Variants in ZDHHC19 observed in about 807,000 individuals in gnomAD.
ZDHHC19 encodes zDHHC palmitoyltransferase 19.
Under a neutral mutation model 33.9 loss-of-function variants are expected in ZDHHC19, and 30 were observed. The observed-to-expected ratio is 0.88, with a 90% CI of 0.66 to 1.20. ZDHHC19 has a LOEUF of 1.20. Among genes scored for constraint, ZDHHC19 ranks in the 50% most tolerant of loss-of-function variants. ZDHHC19 has a pLI of 0.00. For synonymous variants in ZDHHC19, 178 were observed against 167.6 expected (o/e 1.06, Z -0.48); for missense variants, 364 against 401.1 (o/e 0.91, Z 0.79).
chr3:196,205,807 A>T (rs1011069666), intron 5 of ZDHHC19, among the ~76,000 whole-genome samples: 8 of 152,194 alleles, frequency 5.3e-5, no homozygotes, highest in Non-Finnish European at 1.0e-4. Flanking sequence ...TTACAGGCAC[A>T]TGCCACCATG....
Position 196,211,369 on chromosome 3 carries a change from C to T in ZDHHC19, c.-54G>A, listed in dbSNP as rs1677902773. On this transcript the variant is annotated 5_prime_UTR_variant, in exon 1 of 8. An upstream open reading frame in the 5' UTR gains an earlier in-frame stop. Transcript: ENST00000296326. ...GTCAGAGCCACCAGGCTTCCTCCCCCAGCCCAGCTTCCAGAGCTCCATGGC... is the reference window on the plus strand; with the variant it reads ...GTCAGAGCCACCAGGCTTCCTCCCCTAGCCCAGCTTCCAGAGCTCCATGGC... The T allele has an allele frequency of 1.3e-6, 2 of 1,544,510 alleles. No homozygotes were observed. Among genetic ancestry groups the T allele is most frequent in the East Asian group, 2.3e-5 (1 of 44,416 alleles).
chr3:196,198,349 TG>T lies in ZDHHC19; in HGVS notation c.875del (p.Pro292GlnfsTer61). The part of the protein sequence containing the change: ...PPMSPSALNP[P>X]APTSGSLQSR... ...TTTGTAGGGACCCAGAGGTTGGGGC[TG>T]GGGGGTTGAGAGCAGAGGGGGACAT... On this transcript the variant is annotated frameshift_variant, in exon 7 of 8. Transcript: ENST00000296326. LOFTEE classifies it high-confidence loss of function. The T allele has an allele frequency of 5.9e-6, 9 of 1,519,814 alleles. No homozygotes were observed. The highest frequency in any genetic ancestry group is 7.9e-6 in the Non-Finnish European group (9 of 1,134,208). 94.1% of individuals were successfully genotyped at this position (1,519,814 alleles called of 1,614,324 possible). A position where few individuals can be genotyped will look rare whatever the true frequency, so the allele number is the denominator to read the frequency against.
rs542413957 is a variant in ZDHHC19, at chr3:196,201,288, G to A, written c.688-2414C>T. Reference sequence around the variant, plus strand: ...GGGTTTCACTGTGTTGGCCAGTCTCGAACTCCTGACCTCATGATCCGCCCA... The same window carrying A: ...GGGTTTCACTGTGTTGGCCAGTCTCAAACTCCTGACCTCATGATCCGCCCA... On this transcript the variant is annotated intron_variant, in intron 5 of 7. Coordinates refer to ENST00000296326, the MANE Select transcript of ZDHHC19 (RefSeq NM_001039617.2). Among the ~76,000 whole-genome samples, 151 of 151,416 alleles carry A rather than the reference G, an allele frequency of 1.0e-3. 2 individuals carry two copies. The highest frequency in any genetic ancestry group is 3.5e-3 in the African/African-American group (142 of 41,040).
At chr3:196,210,758 G>C (rs115997786) in intron 1 of ZDHHC19, 21 bp from the exon 2 acceptor site, 1 of 1,609,254 alleles carries the variant, frequency 6.2e-7, no homozygotes, top group Non-Finnish European at 8.5e-7. Context: ...AGGCAGGCTC[G>C]GTCCTGAGCA....
rs1048544766 is a variant in ZDHHC19, at chr3:196,203,750, C to A, written c.687+3648G>T. 6.6e-6 allele frequency among the ~76,000 whole-genome samples: 1 copy of A among 152,196 alleles called. No homozygotes were observed. The highest frequency in any genetic ancestry group is 1.5e-5 in the Non-Finnish European group (1 of 68,042). ...CTGCCCAGAAAAGGCTGAAACGATG[C>A]ACTGAGGCTGGGGAGGGTCCACATG... On this transcript the variant is annotated intron_variant, in intron 5 of 7. Coordinates refer to ENST00000296326, the MANE Select transcript of ZDHHC19 (RefSeq NM_001039617.2). The surrounding 1 kb of genome is among the most constrained non-coding windows in gnomAD (Gnocchi z 4.3).
At position 196,198,256 on chromosome 3, in the gene ZDHHC19, C is replaced by A. The variant is rs112752599; in HGVS notation, c.*19+20G>T. 5.4e-6 allele frequency: 8 copies of A among 1,483,458 alleles called. No homozygotes were observed. Among genetic ancestry groups the A allele is most frequent in the Non-Finnish European group, 2.7e-6 (3 of 1,118,158 alleles). 91.9% of individuals were successfully genotyped at this position (1,483,458 alleles called of 1,614,324 possible). A position where few individuals can be genotyped will look rare whatever the true frequency, so the allele number is the denominator to read the frequency against. On this transcript the variant is annotated intron_variant, in intron 7 of 7. Coordinates refer to ENST00000296326, the MANE Select transcript of ZDHHC19 (RefSeq NM_001039617.2). ...CCCTCCCGACACGCACAGACACCCACGCACACACACGCTTCTTACCTCCTG... is the reference window on the plus strand; with the variant it reads ...CCCTCCCGACACGCACAGACACCCAAGCACACACACGCTTCTTACCTCCTG...
At position 196,203,760 on chromosome 3, in the gene ZDHHC19, G is replaced by A. The variant is rs1359605537; in HGVS notation, c.687+3638C>T. On this transcript the variant is annotated intron_variant, in intron 5 of 7. Coordinates refer to ENST00000296326, the MANE Select transcript of ZDHHC19 (RefSeq NM_001039617.2). The surrounding 1 kb of genome is among the most constrained non-coding windows in gnomAD (Gnocchi z 4.3). ...AAGGCTGAAACGATGCACTGAGGCT[G>A]GGGAGGGTCCACATGCAGACCAGAG... Among the ~76,000 whole-genome samples, 1 of 152,194 alleles carries A rather than the reference G, an allele frequency of 6.6e-6. No individual in the cohort carries two copies. Among genetic ancestry groups the A allele is most frequent in the Non-Finnish European group, 1.5e-5 (1 of 68,036 alleles).
intron 5 of ZDHHC19, among the ~76,000 whole-genome samples, chr3:196,201,158 C>T (rs538368052): frequency 5.3e-5 from 8 of 151,638 alleles, no homozygotes; most frequent in South Asian, 2.1e-4. Flanking sequence ...CTGCAACCTC[C>T]GCCTCCCGGG....
At chr3:196,207,530 G>T in intron 4 of ZDHHC19, 27 bp from the exon 5 acceptor site, 2 of 1,521,270 alleles carry the variant, frequency 1.3e-6, no homozygotes, top group Middle Eastern at 1.9e-4. Flanking sequence ...ACCGGGCTGC[G>T]GGACCCCCAC....
Position 196,198,370 on chromosome 3 carries a change from G to C in ZDHHC19, c.855C>G (p.Ser285=), listed in dbSNP as rs1721969236. The C allele has an allele frequency of 6.5e-7, 1 of 1,531,256 alleles. No individual in the cohort carries two copies. Among genetic ancestry groups the C allele is most frequent in the Non-Finnish European group, 8.8e-7 (1 of 1,138,994 alleles). The allele number at this position is 1,531,256 out of a possible 1,614,324, so 94.9% of individuals were successfully genotyped here. A position where few individuals can be genotyped will look rare whatever the true frequency, so the allele number is the denominator to read the frequency against. ...GGGCTGGGGGGTTGAGAGCAGAGGG[G>C]GACATTGGAGGGTGCAGATTCGGCA... The part of the protein sequence containing the change: ...TSMPNLHPPM[S]PSALNPPAPT... Residue 285 remains serine, a synonymous_variant, in exon 7 of 8, where the codon TCC becomes TCG. Transcript: ENST00000296326.
At chr3:196,208,272 A>C in intron 4 of ZDHHC19, 116 bp downstream of exon 4, 1 of 525,908 alleles carries the variant, frequency 1.9e-6, no homozygotes, top group Non-Finnish European at 2.6e-6. Flanking sequence ...ACCTCGTCCC[A>C]GACTGGTCCT....
intron 3 of ZDHHC19, chr3:196,209,148 G>T: frequency 1.7e-6 from 1 of 581,462 alleles, no homozygotes; most frequent in Non-Finnish European, 2.9e-6. Flanking sequence ...GGACAGATGC[G>T]GATGCCCTGT....
chr3:196,209,291 C>A (rs1463848903), intron 3 of ZDHHC19, 85 bp downstream of exon 3: 2 of 1,481,574 alleles, frequency 1.3e-6, no homozygotes, highest in Non-Finnish European at 1.8e-6. Flanking sequence ...AGCTTCACAC[C>A]CAGCCCTGGC....
intron 5 of ZDHHC19, among the ~76,000 whole-genome samples, chr3:196,200,649 T>A (rs533426102): frequency 2.8e-5 from 4 of 141,102 alleles, no homozygotes; most frequent in Admixed American, 1.5e-4. Flanking sequence ...CCACCACGCC[T>A]GGCCTTTTTT....
Position 196,209,395 on chromosome 3 carries a change from C to A in ZDHHC19, c.389G>T (p.Trp130Leu). The stretch of plus-strand genomic sequence containing the variant: ...ACTCACCTCCACACAGATGTTGCAC[C>A]AGGGGCAGTGGTAAGTCCGGGGCGG... ...HRPPRTYHCP[W>L]CNICVEDFDH... The change falls in exon 3 of 8, where the codon TGG becomes TTG. Residue 130 changes from tryptophan to leucine, a missense_variant. Physicochemically the swap from Trp to Leu is moderately conservative, Grantham distance 61. Coordinates refer to ENST00000296326, the MANE Select transcript of ZDHHC19 (RefSeq NM_001039617.2). 6.2e-7 allele frequency: 1 copy of A among 1,604,202 alleles called. No individual in the cohort carries two copies. Among genetic ancestry groups the A allele is most frequent in the Non-Finnish European group, 8.5e-7 (1 of 1,175,872 alleles).
chr3:196,210,630 C>G lies in ZDHHC19; in HGVS notation c.254G>C (p.Gly85Ala). ...SLVSLNFSDP[G>A]ILHQGSAEQG... ...TGATGCCTCACCTTGATGTAAGATG[C>G]CAGGGTCTGAGAAGTTGAGTGAAAC... Residue 85 changes from glycine to alanine, a missense_variant, in exon 2 of 8, where the codon GGC becomes GCC. By Grantham distance (60) the Gly-to-Ala change is moderately conservative. Transcript: ENST00000296326. 1.2e-6 allele frequency: 2 copies of G among 1,613,972 alleles called. No individual in the cohort carries two copies. Among genetic ancestry groups the G allele is most frequent in the Non-Finnish European group, 1.7e-6 (2 of 1,179,946 alleles).
Position 196,209,446 on chromosome 3 carries a change from C to T in ZDHHC19, c.338G>A (p.Trp113Ter), listed in dbSNP as rs1453313414. The T allele has an allele frequency of 2.5e-6, 4 of 1,611,688 alleles. No homozygotes were observed. The highest frequency in any genetic ancestry group is 1.7e-5 in the Admixed American group (1 of 59,660). The change falls in exon 3 of 8, where the codon TGG becomes TAG. Residue 113 changes from tryptophan to a stop codon, truncating the protein, a stop_gained. Coordinates refer to ENST00000296326, the MANE Select transcript of ZDHHC19 (RefSeq NM_001039617.2). LOFTEE classifies it high-confidence loss of function. ...WVNHGAFRLQ[W>*]CPKCCFHRPP... ...GCGGTGGAAGCAGCACTTTGGACACCATTGCAGGCGGAAGGCCCCGTGGTT... is the reference window on the plus strand; with the variant it reads ...GCGGTGGAAGCAGCACTTTGGACACTATTGCAGGCGGAAGGCCCCGTGGTT...
chr3:196,207,094 G>GT (rs954924632), intron 5 of ZDHHC19, among the ~76,000 whole-genome samples: 8 of 152,148 alleles, frequency 5.3e-5, no homozygotes, highest in Non-Finnish European at 1.0e-4. Context: ...TGGGTATCTG[G>GT]TGGGTGTTAC....
Position 196,204,525 on chromosome 3 carries a change from A to T in ZDHHC19, c.687+2873T>A, listed in dbSNP as rs1429717711. ...TTTTTGTAACAAATAATAAGGAAAC[A>T]ATACAATTTTTTAAATGGACAAAAG... On this transcript the variant is annotated intron_variant, in intron 5 of 7. Coordinates refer to ENST00000296326, the MANE Select transcript of ZDHHC19 (RefSeq NM_001039617.2). 2.6e-5 allele frequency among the ~76,000 whole-genome samples: 4 copies of T among 152,208 alleles called. No individual in the cohort carries two copies. The South Asian group carries it at 8.3e-4, about 31-fold the overall frequency.
Sources: gnomAD v4.1 joint callset for allele counts (sites outside exome capture counted in the v4.1 genomes callset) on GRCh38, gnomAD v4.1.1 for gene constraint, Gnocchi (gnomAD v3.1) non-coding constraint, MANE v1.5 for transcripts, NCBI Gene and HGNC (gene_info 2026-07-23, HGNC 2026-07-21) for gene names.